KCNN3: variants seen among roughly 807,000 people sequenced by gnomAD.
KCNN3 encodes the protein small conductance calcium-activated potassium channel protein 3.
A neutral mutation model predicts 62.9 loss-of-function variants in KCNN3; 16 were observed. That is an observed-to-expected ratio of 0.25 (90% CI 0.17 to 0.39). The LOEUF (loss-of-function observed/expected upper bound fraction) is 0.39. Ranked by LOEUF, KCNN3 falls within the 10% of genes least tolerant of loss-of-function variation. KCNN3 has a pLI of 1.00. For missense variants in KCNN3, 599 were observed against 949.4 expected (o/e 0.63, Z 4.85); for synonymous variants, 370 against 389.2 (o/e 0.95, Z 0.58).
chr1:154,836,111 C>G (rs1003569979), intron 1 of KCNN3, among the ~76,000 whole-genome samples: 1 of 152,128 alleles, frequency 6.6e-6, no homozygotes, highest in African/African-American at 2.4e-5. Context: ...TTCAAGTGGC[C>G]CTAATGTCAA....
intron 2 of KCNN3, among the ~76,000 whole-genome samples, chr1:154,774,439 C>T (rs1648707148): frequency 6.6e-6 from 1 of 152,254 alleles, no homozygotes; most frequent in Admixed American, 6.5e-5. Flanking sequence ...CCTCTGGGGC[C>T]TCAGTCTTCA....
intron 1 of KCNN3, among the ~76,000 whole-genome samples, chr1:154,822,564 G>A (rs770507609): frequency 2.0e-5 from 3 of 152,216 alleles, no homozygotes; most frequent in Non-Finnish European, 2.9e-5. Context: ...TTGTTGTGCC[G>A]CTATTACATG....
chr1:154,850,113 C>G (rs1652244655), intron 1 of KCNN3, among the ~76,000 whole-genome samples: 5 of 152,186 alleles, frequency 3.3e-5, no homozygotes, highest in Admixed American at 3.3e-4. Context: ...TTCTACTGTT[C>G]CCTCTGCACC....
intron 5 of KCNN3, 92 bp from the exon 6 acceptor site, chr1:154,715,095 CG>C: frequency 6.8e-7 from 1 of 1,472,772 alleles, no homozygotes; most frequent in South Asian, 1.1e-5. Context: ...CATAAGGAAA[CG>C]ATTTTGCAAT....
At chr1:154,730,912 G>C (rs1700578465) in intron 4 of KCNN3, among the ~76,000 whole-genome samples, 1 of 152,184 alleles carries the variant, frequency 6.6e-6, no homozygotes, top group Non-Finnish European at 1.5e-5. Context: ...ACCCCAAAGA[G>C]AGGCAGGGGT....
At chr1:154,759,218 G>A (rs1433372051) in intron 3 of KCNN3, among the ~76,000 whole-genome samples, 2 of 152,222 alleles carry the variant, frequency 1.3e-5, no homozygotes, top group Non-Finnish European at 2.9e-5. Context: ...GTGGAGGGCA[G>A]GGGAAACACA....
intron 3 of KCNN3, among the ~76,000 whole-genome samples, chr1:154,766,021 C>T (rs1408400579): frequency 6.6e-6 from 1 of 151,996 alleles, no homozygotes; most frequent in Non-Finnish European, 1.5e-5. Context: ...GATTATTTTC[C>T]TCTTCCTTAA....
chr1:154,852,389 T>A (rs919960903), intron 1 of KCNN3, among the ~76,000 whole-genome samples: 9 of 145,524 alleles, frequency 6.2e-5, no homozygotes, highest in Non-Finnish European at 1.1e-4. Flanking sequence ...TTTTTTTTTT[T>A]AGAGAGATAG....
chr1:154,777,086 C>T (rs1377645913), intron 2 of KCNN3, among the ~76,000 whole-genome samples: 49 of 152,236 alleles, frequency 3.2e-4, no homozygotes, highest in Admixed American at 3.2e-3. Flanking sequence ...CTCCCACTTA[C>T]TGCGTGCCCC....
intron 1 of KCNN3, among the ~76,000 whole-genome samples, chr1:154,854,497 A>G (rs1163605807): frequency 2.0e-5 from 3 of 152,226 alleles, no homozygotes; most frequent in African/African-American, 4.8e-5. Context: ...GCTCTTCATA[A>G]CACTCATCAT....
At chr1:154,717,886 T>C (rs1700263540) in intron 5 of KCNN3, among the ~76,000 whole-genome samples, 1 of 152,338 alleles carries the variant, frequency 6.6e-6, no homozygotes, top group Middle Eastern at 3.4e-3. Flanking sequence ...AATGCTATTG[T>C]GGCCAGGGTC....
At chr1:154,777,392 T>A (rs1648835616) in intron 2 of KCNN3, among the ~76,000 whole-genome samples, 1 of 152,010 alleles carries the variant, frequency 6.6e-6, no homozygotes, top group African/African-American at 2.4e-5. Flanking sequence ...GATGACTGTG[T>A]CATATGAAGA....
intron 1 of KCNN3, among the ~76,000 whole-genome samples, chr1:154,856,982 T>C (rs1010082095): frequency 9.2e-5 from 14 of 152,146 alleles, no homozygotes; most frequent in Non-Finnish European, 1.9e-4. Context: ...CTCAGGCTTG[T>C]GGGTCAAACC....
intron 3 of KCNN3, 46 bp from the exon 4 acceptor site, chr1:154,733,190 G>A (rs1375230803): frequency 6.2e-7 from 1 of 1,605,294 alleles, no homozygotes; most frequent in Admixed American, 1.7e-5. Context: ...GCCATTCCTG[G>A]GAGTAAGGGC....
At chr1:154,856,707 T>G (rs1398618357) in intron 1 of KCNN3, among the ~76,000 whole-genome samples, 1 of 152,080 alleles carries the variant, frequency 6.6e-6, no homozygotes, top group Non-Finnish European at 1.5e-5. Flanking sequence ...CAGGTTAGGA[T>G]TCACCCCCAT....
chr1:154,751,324 C>T (rs531409573), intron 3 of KCNN3, among the ~76,000 whole-genome samples: 48 of 152,308 alleles, frequency 3.2e-4, no homozygotes, highest in Non-Finnish European at 4.1e-4. Context: ...CTCTCTCCCA[C>T]TCCCATTCTC....
intron 2 of KCNN3, among the ~76,000 whole-genome samples, chr1:154,776,449 G>C (rs2101844792): frequency 6.6e-6 from 1 of 152,262 alleles, no homozygotes; most frequent in Non-Finnish European, 1.5e-5. Flanking sequence ...GGGTGGGGGA[G>C]AGTTTTCAGG....
At chr1:154,791,102 G>A (rs1649493546) in intron 2 of KCNN3, among the ~76,000 whole-genome samples, 1 of 151,866 alleles carries the variant, frequency 6.6e-6, no homozygotes, top group Non-Finnish European at 1.5e-5. Context: ...GGTGGTGCAT[G>A]TCTGTAATCC....
Position 154,822,145 on chromosome 1 carries a change from G to A in KCNN3, c.973C>T (p.Leu325=). 1 of 1,614,156 alleles carries A rather than the reference G, an allele frequency of 6.2e-7. No homozygotes were observed. The highest frequency in any genetic ancestry group is 1.7e-5 in the Admixed American group (1 of 60,026). Residue 325 remains leucine (L), a synonymous_variant, in exon 2 of 8, where the codon CTG becomes TTG. Transcript: ENST00000271915. ...AAGCCCAAAAGGATGATGGTGGACA[G>A]ACTGATAAGGCATTTCAGGGCCAAC... ...FSLALKCLIS[L]STIILLGLII...
Sources: allele counts gnomAD v4.1 joint callset (sites outside exome capture counted in the v4.1 genomes callset), GRCh38; gene constraint gnomAD v4.1.1; transcripts MANE v1.5; gene names NCBI Gene and HGNC (gene_info 2026-07-23, HGNC 2026-07-21).